The following CCSER1 variants were observed in gnomAD, a reference collection of about 807,000 sequenced individuals.
CCSER1 encodes the protein serine-rich coiled-coil domain-containing protein 1.
In CCSER1, 41 loss-of-function variants were observed where a neutral mutation model predicts 82.0. That is an observed-to-expected ratio of 0.50 (90% CI 0.39 to 0.65). CCSER1 has a LOEUF of 0.65. CCSER1 is among the 30% of genes least tolerant of loss of function. The pLI, the probability that CCSER1 is intolerant of heterozygous loss-of-function variation, is 0.00. For missense variants in CCSER1, 1,119 were observed against 1,064.2 expected (o/e 1.05, Z -0.72); for synonymous variants, 414 against 383.9 (o/e 1.08, Z -0.92).
intron 7 of CCSER1, among the ~76,000 whole-genome samples, chr4:90,815,559 TG>T (rs1488661388): frequency 6.6e-6 from 1 of 152,066 alleles, no homozygotes; most frequent in Non-Finnish European, 1.5e-5. Flanking sequence ...TACATGATTA[TG>T]TGTAGCATAA....
intron 10 of CCSER1, among the ~76,000 whole-genome samples, chr4:91,358,333 A>ATTT (rs367984620): frequency 0.26 from 34,186 of 132,364 alleles, 4,573 homozygotes; most frequent in Middle Eastern, 0.43. Context: ...TCTTTCTTGA[A>ATTT]TTTTTTTTTT....
intron 9 of CCSER1, among the ~76,000 whole-genome samples, chr4:91,053,962 CT>C (rs1252951545): frequency 6.6e-6 from 1 of 152,186 alleles, no homozygotes; most frequent in African/African-American, 2.4e-5. Context: ...TGGATCAGTC[CT>C]TTGCCATTAT....
At chr4:90,137,356 A>G (rs1051877248) in intron 1 of CCSER1, among the ~76,000 whole-genome samples, 7 of 152,198 alleles carry the variant, frequency 4.6e-5, no homozygotes, top group South Asian at 2.1e-4. Flanking sequence ...ATTATCAACA[A>G]CAATTCAGTT....
chr4:90,840,666 A>T (rs1348121762), intron 8 of CCSER1, among the ~76,000 whole-genome samples: 1 of 152,246 alleles, frequency 6.6e-6, no homozygotes, highest in African/African-American at 2.4e-5. Flanking sequence ...GTGCCTATGC[A>T]TATAGCTTAA....
chr4:91,224,255 T>C (rs568330720), intron 10 of CCSER1, among the ~76,000 whole-genome samples: 4 of 152,098 alleles, frequency 2.6e-5, no homozygotes, highest in African/African-American at 4.8e-5. Context: ...TGCTTACATA[T>C]ATTTAACGAA....
intron 5 of CCSER1, among the ~76,000 whole-genome samples, chr4:90,553,942 T>A (rs1214187314): frequency 6.6e-6 from 1 of 152,244 alleles, no homozygotes; most frequent in Admixed American, 6.5e-5. Flanking sequence ...ATTTAAAGCA[T>A]TCTAAAACCA....
intron 9 of CCSER1, among the ~76,000 whole-genome samples, chr4:90,994,773 A>T (rs1737345214): frequency 6.6e-6 from 1 of 152,116 alleles, no homozygotes; most frequent in African/African-American, 2.4e-5. Flanking sequence ...TATACCTTTT[A>T]GTGTGTTGTT....
At chr4:91,051,667 G>C (rs1282154996) in intron 9 of CCSER1, among the ~76,000 whole-genome samples, 1 of 152,098 alleles carries the variant, frequency 6.6e-6, no homozygotes, top group Non-Finnish European at 1.5e-5. Context: ...ATGCACCCTA[G>C]AAAGGAAGGA....
intron 6 of CCSER1, among the ~76,000 whole-genome samples, chr4:90,699,421 A>C (rs116449257): frequency 0.011 from 1,727 of 152,240 alleles, 25 homozygotes; most frequent in African/African-American, 0.038. Context: ...GTCAGGATCA[A>C]GCAATGTTAA....
chr4:90,276,253 T>TCTTTCTTTCTTTCTTC lies in CCSER1; in HGVS notation c.-41-31990_-41-31989insTTTCTTTCTTTCTTCC, dbSNP rs1727680914. 7.3e-4 allele frequency among the ~76,000 whole-genome samples: 58 copies of TCTTTCTTTCTTTCTTC among 79,088 alleles called. 2 individuals are homozygous for TCTTTCTTTCTTTCTTC. Among genetic ancestry groups the TCTTTCTTTCTTTCTTC allele is most frequent in the African/African-American group, 3.0e-3 (56 of 18,590 alleles). The allele number at this position is 79,088 out of a possible 152,430, so 51.9% of individuals were successfully genotyped here. On this transcript the variant is annotated intron_variant, in intron 1 of 10. Coordinates refer to ENST00000509176, the MANE Select transcript of CCSER1 (RefSeq NM_001145065.2). ...TTCTTTCTTTCTTTCTTTCTTTCTT[T>TCTTTCTTTCTTTCTTC]CCTTCCTTCCTTCCTTCCTTCCTTC...
In CCSER1 at chr4:90,293,877, T is replaced by G. The variant is rs1731372435; in HGVS notation, c.-41-14367T>G. 2.6e-5 allele frequency among the ~76,000 whole-genome samples: 4 copies of G among 152,038 alleles called. No homozygotes were observed. The South Asian group carries it at 8.3e-4, about 32-fold the overall frequency. ...TGTTATTAATGAGAAAAAGTCATAATGCTACATACTTCTAAATCATCATAT... is the reference window on the plus strand; with the variant it reads ...TGTTATTAATGAGAAAAAGTCATAAGGCTACATACTTCTAAATCATCATAT... On this transcript the variant is annotated intron_variant, in intron 1 of 10. Transcript: ENST00000509176.
chr4:91,523,867 A>G (rs983224835), intron 10 of CCSER1, among the ~76,000 whole-genome samples: 2 of 152,046 alleles, frequency 1.3e-5, no homozygotes, highest in African/African-American at 2.4e-5. Context: ...TTGTGTCTCT[A>G]TGTCCTTCAG....
intron 5 of CCSER1, among the ~76,000 whole-genome samples, chr4:90,592,641 A>G (rs867692536): frequency 2.0e-5 from 3 of 152,136 alleles, no homozygotes; most frequent in African/African-American, 7.2e-5. Flanking sequence ...ACTGATGGTG[A>G]TTAATTGCCT....
intron 6 of CCSER1, chr4:90,641,838 A>C (rs902266867): frequency 9.5e-6 from 2 of 209,674 alleles, no homozygotes; most frequent in Non-Finnish European, 2.1e-5. Flanking sequence ...TGCCACCTTC[A>C]TTGTACCTAA....
intron 9 of CCSER1, among the ~76,000 whole-genome samples, chr4:90,964,056 T>G (rs917567446): frequency 1.6e-4 from 25 of 152,160 alleles, no homozygotes; most frequent in African/African-American, 6.0e-4. Flanking sequence ...TTACACTATT[T>G]GTGGAGAGCA....
chr4:91,044,221 AAGG>A (rs1742240681), intron 9 of CCSER1, among the ~76,000 whole-genome samples: 1 of 152,200 alleles, frequency 6.6e-6, no homozygotes, highest in African/African-American at 2.4e-5. Flanking sequence ...GACTTCTGGA[AAGG>A]AGGACTCCGG....
chr4:90,737,258 G>T (rs1208587443), intron 7 of CCSER1, among the ~76,000 whole-genome samples: 1 of 152,086 alleles, frequency 6.6e-6, no homozygotes, highest in East Asian at 1.9e-4. Flanking sequence ...TTTTCTTTCA[G>T]ATTGAAGAAT....
chr4:90,731,357 A>C (rs1160808751), intron 7 of CCSER1, among the ~76,000 whole-genome samples: 2 of 152,200 alleles, frequency 1.3e-5, no homozygotes, highest in Non-Finnish European at 2.9e-5. Context: ...GTAATTGTGA[A>C]ATGGCAGACG....
At chr4:91,142,466 T>C (rs766187018) in intron 10 of CCSER1, among the ~76,000 whole-genome samples, 49 of 152,214 alleles carry the variant, frequency 3.2e-4, no homozygotes, top group Non-Finnish European at 3.1e-4. Context: ...CTCTATACTT[T>C]AATTAGATCC....
Sources: allele counts gnomAD v4.1 joint callset (sites outside exome capture counted in the v4.1 genomes callset), GRCh38; gene constraint gnomAD v4.1.1; transcripts MANE v1.5; gene names NCBI Gene and HGNC (gene_info 2026-07-23, HGNC 2026-07-21).